GPR107: variants seen among roughly 807,000 people sequenced by gnomAD.
GPR107 encodes the protein G protein-coupled receptor 107, also known as protein GPR107.
In GPR107, 31 loss-of-function variants were observed where a neutral mutation model predicts 75.5. The ratio of observed to expected loss-of-function variants is 0.41; its 90% CI spans 0.31 to 0.55. GPR107 has a LOEUF of 0.55. Among genes scored for constraint, GPR107 ranks in the 20% least tolerant of loss-of-function variants. The pLI is 0.26. For missense variants in GPR107, 572 were observed against 665.7 expected (o/e 0.86, Z 1.55); for synonymous variants, 267 against 251.3 (o/e 1.06, Z -0.59).
chr9:130,093,864 T>A (rs533289336), intron 9 of GPR107, among the ~76,000 whole-genome samples: 1 of 152,270 alleles, frequency 6.6e-6, no homozygotes, highest in African/African-American at 2.4e-5. Flanking sequence ...GCCCCCAGGC[T>A]GGAGTGCAGT....
chr9:130,073,490 T>C (rs570396681), intron 1 of GPR107, among the ~76,000 whole-genome samples: 24 of 152,350 alleles, frequency 1.6e-4, no homozygotes, highest in African/African-American at 5.5e-4. Context: ...ATGACCTCTG[T>C]TATCTTATCT....
chr9:130,103,480 G>A lies in GPR107; in HGVS notation c.1132-940G>A, dbSNP rs1831086337. 6.6e-6 allele frequency among the ~76,000 whole-genome samples: 1 copy of A among 152,132 alleles called. No individual in the cohort carries two copies. The highest frequency in any genetic ancestry group is 2.1e-4 in the South Asian group (1 of 4,826). On this transcript the variant is annotated intron_variant, in intron 12 of 17. Transcript: ENST00000347136. The surrounding 1 kb of genome is among the most constrained non-coding windows in gnomAD (Gnocchi z 4.3). ...ATTATAAGTGGTAAATTTCCCTTATGCTCTGTGGCATCTCAGTTTAGCCAG... is the reference window on the plus strand; with the variant it reads ...ATTATAAGTGGTAAATTTCCCTTATACTCTGTGGCATCTCAGTTTAGCCAG...
At chr9:130,110,440 C>G in intron 14 of GPR107, 2 of 1,341,150 alleles carry the variant, frequency 1.5e-6, no homozygotes, top group East Asian at 2.5e-5. Flanking sequence ...AACCAGGGTT[C>G]ACATTCCCCA....
At position 130,086,319 on chromosome 9, in the gene GPR107, T is replaced by TA. The variant is rs1230793741; in HGVS notation, c.565-100dup. On this transcript the variant is annotated intron_variant, in intron 6 of 17. Transcript: ENST00000347136. ...GAGCTTTTTTGAAGGTCAGCAAATT[T>TA]AGAGTTTAAGAAACATGTTTTGTTT... 4.2e-6 allele frequency: 3 copies of TA among 718,008 alleles called. No homozygotes were observed. The African/African-American group carries it at 5.4e-5, about 13-fold the overall frequency. The allele number at this position is 718,008 out of a possible 1,614,324, so 44.5% of individuals were successfully genotyped here. A position where few individuals can be genotyped will look rare whatever the true frequency, so the allele number is the denominator to read the frequency against.
At chr9:130,131,983 G>C (rs1411862322) in intron 17 of GPR107, among the ~76,000 whole-genome samples, 1 of 152,154 alleles carries the variant, frequency 6.6e-6, no homozygotes. Flanking sequence ...CCGGGCTCAG[G>C]CAATCCTTTC....
intron 16 of GPR107, 61 bp downstream of exon 16, chr9:130,127,627 GT>G: frequency 1.1e-6 from 1 of 879,596 alleles, no homozygotes; most frequent in Non-Finnish European, 1.9e-6. Context: ...GTCTTGAAGT[GT>G]AACTTAACAG....
chr9:130,121,723 CT>C (rs905470426), intron 14 of GPR107, among the ~76,000 whole-genome samples: 3 of 152,320 alleles, frequency 2.0e-5, no homozygotes, highest in Non-Finnish European at 2.9e-5. Context: ...CTCCTTTTCC[CT>C]GGTCTGGCTT....
chr9:130,104,356 G>A, intron 12 of GPR107, 64 bp from the exon 13 acceptor site: 1 of 1,520,986 alleles, frequency 6.6e-7, no homozygotes. Context: ...CCCCACATTG[G>A]GGCTGCTAGC....
chr9:130,113,265 T>C (rs1831349355), intron 14 of GPR107, among the ~76,000 whole-genome samples: 1 of 104,798 alleles, frequency 9.5e-6, no homozygotes, highest in African/African-American at 3.6e-5. Flanking sequence ...TTTTTTTTTT[T>C]TCCTTGAGTC....
At chr9:130,108,204 C>T (rs1298536159) in intron 14 of GPR107, among the ~76,000 whole-genome samples, 1 of 152,234 alleles carries the variant, frequency 6.6e-6, no homozygotes, top group South Asian at 2.1e-4. Flanking sequence ...AGGAGCAGTG[C>T]TCTCTTCTCT....
At chr9:130,105,711 A>G (rs543468767) in intron 13 of GPR107, among the ~76,000 whole-genome samples, 1 of 152,092 alleles carries the variant, frequency 6.6e-6, no homozygotes, top group South Asian at 2.1e-4. Context: ...ATTCCATCAT[A>G]CATCACACAT....
chr9:130,121,589 A>G (rs767030467), intron 14 of GPR107, among the ~76,000 whole-genome samples: 1 of 152,128 alleles, frequency 6.6e-6, no homozygotes. Context: ...CTTCCCTGAT[A>G]TGTGCAGCTC....
intron 1 of GPR107, among the ~76,000 whole-genome samples, chr9:130,057,359 A>G (rs970146916): frequency 5.3e-5 from 8 of 152,004 alleles, no homozygotes; most frequent in African/African-American, 1.9e-4. Context: ...CAGCAACAAA[A>G]ATTAGCCAGA....
At chr9:130,133,044 T>G (rs1333056996) in intron 17 of GPR107, 3 of 152,298 alleles carry the variant, frequency 2.0e-5, no homozygotes, top group Admixed American at 2.0e-4. Context: ...AGAGGGATTC[T>G]TCTCAGCCCG....
At chr9:130,059,855 C>G (rs765301756) in intron 1 of GPR107, among the ~76,000 whole-genome samples, 1 of 151,748 alleles carries the variant, frequency 6.6e-6, no homozygotes, top group Admixed American at 6.6e-5. Context: ...TCTCCTGCCT[C>G]GACCTCCTGA....
At chr9:130,092,978 T>A (rs561736141) in intron 9 of GPR107, among the ~76,000 whole-genome samples, 2 of 152,258 alleles carry the variant, frequency 1.3e-5, no homozygotes, top group East Asian at 3.9e-4. Context: ...GTTTCCATGG[T>A]GGAGATCCCA....
chr9:130,082,038 G>A (rs1269189973), intron 5 of GPR107, among the ~76,000 whole-genome samples: 1 of 152,112 alleles, frequency 6.6e-6, no homozygotes, highest in Admixed American at 6.6e-5. Context: ...GTCACATGGC[G>A]AGAGCAGGAG....
At chr9:130,110,522 G>A (rs746370352) in intron 14 of GPR107, 19 of 729,074 alleles carry the variant, frequency 2.6e-5, no homozygotes, top group Admixed American at 6.1e-5. Context: ...CTGAAAGAGG[G>A]ACAGAGCAGA....
At chr9:130,131,972 C>A (rs144611251) in intron 17 of GPR107, among the ~76,000 whole-genome samples, 1 of 152,314 alleles carries the variant, frequency 6.6e-6, no homozygotes, top group African/African-American at 2.4e-5. Context: ...GCTTGAGCTC[C>A]CCGGGCTCAG....
Sources: gnomAD v4.1 joint callset for allele counts (sites outside exome capture counted in the v4.1 genomes callset) on GRCh38, gnomAD v4.1.1 for gene constraint, Gnocchi (gnomAD v3.1) non-coding constraint, MANE v1.5 for transcripts, NCBI Gene and HGNC (gene_info 2026-07-23, HGNC 2026-07-21) for gene names.